The following GRM5 variants were observed in gnomAD, a reference collection of about 807,000 sequenced individuals.
GRM5 encodes the protein metabotropic glutamate receptor 5.
A neutral mutation model predicts 83.1 loss-of-function variants in GRM5; 19 were observed. The observed-to-expected ratio is 0.23, with a 90% CI of 0.16 to 0.34. GRM5 has a LOEUF of 0.34. Among genes scored for constraint, GRM5 ranks in the 10% least tolerant of loss-of-function variants. GRM5 has a pLI of 1.00. For missense variants in GRM5, 1,160 were observed against 1,588.3 expected, an observed-to-expected ratio of 0.73 and a Z score of 4.58; for synonymous variants, 675 against 633.6, an observed-to-expected ratio of 1.07 and a Z score of -0.98.
Position 88,901,987 on chromosome 11 carries a change from G to T in GRM5, c.662-51832C>A, listed in dbSNP as rs550466452. ...ACAAGTAGTTCCCATTTCAGGGCGT[G>T]GTTGCCATCCTTTTCTACATTTCTT... On this transcript the variant is annotated intron_variant, in intron 2 of 9. Coordinates refer to ENST00000305447, the MANE Select transcript of GRM5 (RefSeq NM_001143831.3). Among the ~76,000 whole-genome samples the T allele has an allele frequency of 7.2e-5, 11 of 152,158 alleles. No homozygotes were observed. The South Asian group carries it at 2.3e-3, about 32-fold the overall frequency.
At position 88,921,475 on chromosome 11, in the gene GRM5, A is replaced by C. The variant is rs1442760585; in HGVS notation, c.662-71320T>G. On this transcript the variant is annotated intron_variant, in intron 2 of 9. Coordinates refer to ENST00000305447, the MANE Select transcript of GRM5 (RefSeq NM_001143831.3). ...CGTCTCTAGTAAAAAACAACAACAA[A>C]AAAAATTAGCTGGGCATGGTGGCGG... 5.3e-5 allele frequency among the ~76,000 whole-genome samples: 8 copies of C among 151,924 alleles called. No individual in the cohort carries two copies. In the East Asian group the frequency reaches 5.8e-4, roughly 11 times the overall value.
intron 3 of GRM5, among the ~76,000 whole-genome samples, chr11:88,778,813 T>A (rs185428597): frequency 3.9e-4 from 60 of 152,286 alleles, no homozygotes; most frequent in African/African-American, 1.3e-3. Context: ...TCTATTTAAC[T>A]GGGGAGAAGA....
In GRM5 at chr11:88,720,070, A is replaced by ACTCT. The variant is rs376687447; in HGVS notation, c.912-66671_912-66668dup. Among the ~76,000 whole-genome samples, 3 of 151,566 alleles carry ACTCT rather than the reference A, an allele frequency of 2.0e-5. No homozygotes were observed. The East Asian group carries it at 5.8e-4, about 29-fold the overall frequency. ...TTTTGTAGAAACTCTTTATTGCTTG[A>ACTCT]CTCTCTTCCCTAAAATATAAAAGTC... On this transcript the variant is annotated intron_variant, in intron 3 of 9. Transcript: ENST00000305447.
chr11:88,782,565 TC>T (rs1304077984), intron 3 of GRM5, among the ~76,000 whole-genome samples: 2 of 152,118 alleles, frequency 1.3e-5, no homozygotes, highest in Non-Finnish European at 2.9e-5. Flanking sequence ...TCAAACCATA[TC>T]AATGGGTAAC....
At chr11:88,881,795 G>T (rs894371617) in intron 2 of GRM5, among the ~76,000 whole-genome samples, 4 of 152,032 alleles carry the variant, frequency 2.6e-5, no homozygotes, top group African/African-American at 9.7e-5. Flanking sequence ...AATCCTTATT[G>T]TTCTGTGAAA....
chr11:88,676,907 C>T (rs1940343882), intron 3 of GRM5, among the ~76,000 whole-genome samples: 1 of 152,012 alleles, frequency 6.6e-6, no homozygotes, highest in Admixed American at 6.6e-5. Context: ...GTTGAAATAA[C>T]TCGGTAATTC....
chr11:88,978,124 A>C (rs1252352660), intron 2 of GRM5, among the ~76,000 whole-genome samples: 1 of 152,168 alleles, frequency 6.6e-6, no homozygotes, highest in Non-Finnish European at 1.5e-5. Context: ...ATACAAGATA[A>C]ATAAGTCCTA....
chr11:88,524,006 A>AT (rs1177597171), intron 9 of GRM5: 1 of 152,010 alleles, frequency 6.6e-6, no homozygotes, highest in Admixed American at 6.6e-5. Flanking sequence ...ATCCAGGATG[A>AT]TTTGCAAAAG....
intron 4 of GRM5, among the ~76,000 whole-genome samples, chr11:88,648,744 C>G (rs900279721): frequency 6.6e-6 from 1 of 151,688 alleles, no homozygotes; most frequent in Admixed American, 6.6e-5. Flanking sequence ...AATGTAGACT[C>G]CTCACACTTT....
At chr11:88,895,188 G>C (rs1271190215) in intron 2 of GRM5, among the ~76,000 whole-genome samples, 2 of 151,912 alleles carry the variant, frequency 1.3e-5, no homozygotes, top group African/African-American at 4.8e-5. Context: ...AAAAGACTGA[G>C]CTGATTTTTC....
chr11:88,863,783 G>C (rs1043986134), intron 2 of GRM5, among the ~76,000 whole-genome samples: 5 of 152,002 alleles, frequency 3.3e-5, no homozygotes, highest in Non-Finnish European at 5.9e-5. Context: ...TTTAACAAGA[G>C]ACACTTAAAA....
chr11:89,000,099 G>A (rs1266749602), intron 2 of GRM5, among the ~76,000 whole-genome samples: 1 of 152,056 alleles, frequency 6.6e-6, no homozygotes, highest in Non-Finnish European at 1.5e-5. Flanking sequence ...GGGGTGAGGG[G>A]AAGGGGGAGG....
At chr11:88,536,603 C>G (rs1942140508) in intron 8 of GRM5, among the ~76,000 whole-genome samples, 1 of 152,146 alleles carries the variant, frequency 6.6e-6, no homozygotes, top group Non-Finnish European at 1.5e-5. Context: ...CAATTCTGTT[C>G]CCATGTTGGT....
At chr11:88,882,160 C>T (rs1335002084) in intron 2 of GRM5, among the ~76,000 whole-genome samples, 1 of 151,710 alleles carries the variant, frequency 6.6e-6, no homozygotes, top group East Asian at 1.9e-4. Flanking sequence ...TCGCTTGAAC[C>T]CAGGAGGTGG....
At chr11:88,925,830 A>G (rs1304366160) in intron 2 of GRM5, 5 of 440,860 alleles carry the variant, frequency 1.1e-5, no homozygotes, top group African/African-American at 1.0e-4. Flanking sequence ...AATAGCTTGA[A>G]CCTGAAAGGC....
intron 4 of GRM5, among the ~76,000 whole-genome samples, chr11:88,635,390 T>C (rs1939090394): frequency 6.6e-6 from 1 of 152,224 alleles, no homozygotes; most frequent in South Asian, 2.1e-4. Context: ...GATATCTCAT[T>C]GTGGTTTTGA....
chr11:89,016,849 T>G (rs1318224217), intron 2 of GRM5, among the ~76,000 whole-genome samples: 2 of 152,142 alleles, frequency 1.3e-5, no homozygotes, highest in African/African-American at 4.8e-5. Context: ...TAAATACTGT[T>G]TCCACTCAGT....
chr11:88,754,688 G>C (rs1942360175), intron 3 of GRM5, among the ~76,000 whole-genome samples: 1 of 152,064 alleles, frequency 6.6e-6, no homozygotes, highest in South Asian at 2.1e-4. Flanking sequence ...AATTATAAGT[G>C]CATATGTGAG....
Position 89,057,407 on chromosome 11 carries a change from C to T in GRM5, c.-201+8369G>A, listed in dbSNP as rs971920198. On this transcript the variant is annotated intron_variant, in intron 1 of 9. Coordinates refer to ENST00000305447, the MANE Select transcript of GRM5 (RefSeq NM_001143831.3). ...AAATGCAGCATCCCCACTGTTTAGCCCCACAAAATATAGGCCATATTTTAA... is the reference window on the plus strand; with the variant it reads ...AAATGCAGCATCCCCACTGTTTAGCTCCACAAAATATAGGCCATATTTTAA... Among the ~76,000 whole-genome samples, 36 of 151,898 alleles carry T rather than the reference C, an allele frequency of 2.4e-4. 1 individual carries two copies. The highest frequency in any genetic ancestry group is 1.6e-3 in the Admixed American group (24 of 15,234).
Sources: allele counts gnomAD v4.1 joint callset (sites outside exome capture counted in the v4.1 genomes callset), GRCh38; gene constraint gnomAD v4.1.1; transcripts MANE v1.5; gene names NCBI Gene and HGNC (gene_info 2026-07-23, HGNC 2026-07-21).